The following ZFP64 variants were observed in gnomAD, a reference collection of about 807,000 sequenced individuals.
The protein encoded by ZFP64 is ZFP64 zinc finger protein.
In ZFP64, 14 loss-of-function variants were observed where a neutral mutation model predicts 51.6. The observed-to-expected ratio is 0.27, with a 90% CI of 0.18 to 0.42. The LOEUF (loss-of-function observed/expected upper bound fraction) is 0.42. ZFP64 is among the 10% of genes least tolerant of loss of function. The pLI, the probability that ZFP64 is intolerant of heterozygous loss-of-function variation, is 1.00. For missense variants in ZFP64, 754 were observed against 906.8 expected, an observed-to-expected ratio of 0.83 and a Z score of 2.16; for synonymous variants, 375 against 361.4, an observed-to-expected ratio of 1.04 and a Z score of -0.43.
chr20:52,181,973 T>C (rs1416990207), intron 2 of ZFP64, among the ~76,000 whole-genome samples: 1 of 152,080 alleles, frequency 6.6e-6, no homozygotes, highest in Non-Finnish European at 1.5e-5. Context: ...AGCAGCTGAG[T>C]CAGACGGAGA....
At chr20:52,131,286 A>G (rs986703526) in intron 5 of ZFP64, among the ~76,000 whole-genome samples, 18 of 151,914 alleles carry the variant, frequency 1.2e-4, no homozygotes, top group African/African-American at 4.4e-4. Context: ...AAGAAAGAAA[A>G]GAAAGAAAGC....
chr20:52,176,142 C>A (rs1036686102), intron 2 of ZFP64: 4 of 179,532 alleles, frequency 2.2e-5, no homozygotes, highest in Non-Finnish European at 4.3e-5. Context: ...TGGCGGCTGC[C>A]GTTAAAGTCC....
intron 5 of ZFP64, among the ~76,000 whole-genome samples, chr20:52,112,100 A>AAAC (rs1978624667): frequency 1.0e-5 from 1 of 98,542 alleles, no homozygotes; most frequent in African/African-American, 3.2e-5. Context: ...AAAAAAAAAA[A>AAAC]CAAAAAAAAA....
At chr20:52,110,678 G>A in intron 5 of ZFP64, 1 of 1,510,078 alleles carries the variant, frequency 6.6e-7, no homozygotes, top group South Asian at 1.3e-5. Context: ...GGCATAGCTA[G>A]CTAGACCCCT....
downstream of ZFP64, among the ~76,000 whole-genome samples, chr20:52,148,316 A>G (rs116043328): frequency 6.6e-6 from 1 of 152,218 alleles, no homozygotes; most frequent in Non-Finnish European, 1.5e-5. Flanking sequence ...TGTGAACTTT[A>G]TCTACACGAT....
intron 5 of ZFP64, chr20:52,105,452 G>T: frequency 9.8e-7 from 1 of 1,016,586 alleles, no homozygotes; most frequent in Non-Finnish European, 1.3e-6. Flanking sequence ...CCGCTCCCGG[G>T]CAGCCCGCGC....
intron 5 of ZFP64, among the ~76,000 whole-genome samples, chr20:52,117,062 C>T (rs1446417239): frequency 6.7e-6 from 1 of 150,154 alleles, no homozygotes; most frequent in East Asian, 1.9e-4. Flanking sequence ...CAGAGCAAGA[C>T]TCTGTCTCAC....
Position 52,191,576 on chromosome 20 carries a change from C to T in ZFP64, c.46+15G>A. 1 of 1,574,046 alleles carries T rather than the reference C, an allele frequency of 6.4e-7. No homozygotes were observed. The highest frequency in any genetic ancestry group is 8.6e-7 in the Non-Finnish European group (1 of 1,164,244). On this transcript the variant is annotated intron_variant, in intron 1 of 5. Transcript: ENST00000216923. This position sits in a 1 kb window ranked among gnomAD's most constrained non-coding sequence, Gnocchi z 4.3. The stretch of plus-strand genomic sequence containing the variant: ...TGGGCCCCGGAGCGCGCACTGCTCC[C>T]GGAAAAGCACTTACTTTGCACCGAG...
Position 52,151,307 on chromosome 20 carries a change from G to T in ZFP64, c.*839C>A. ...TTTTAATCAGATATCAATTTATTAT[G>T]GAACCATTCATTTTCTGCTCATTAG... On this transcript the variant is annotated 3_prime_UTR_variant, in exon 6 of 6. Coordinates refer to ENST00000216923, the MANE Select transcript of ZFP64 (RefSeq NM_018197.3). 2 of 985,080 alleles carry T rather than the reference G, an allele frequency of 2.0e-6. No homozygotes were observed. Among genetic ancestry groups the T allele is most frequent in the Non-Finnish European group, 2.4e-6 (2 of 829,680 alleles). The allele number at this position is 985,080 out of a possible 1,614,324, so 61.0% of individuals were successfully genotyped here.
intron 5 of ZFP64, among the ~76,000 whole-genome samples, chr20:52,140,245 T>G (rs766496369): frequency 4.6e-5 from 7 of 152,064 alleles, no homozygotes; most frequent in Non-Finnish European, 1.0e-4. Context: ...AGTGTTCAAG[T>G]GAAAGAAAGA....
At chr20:52,102,417 G>A (rs2079062853) in intron 5 of ZFP64, among the ~76,000 whole-genome samples, 1 of 152,090 alleles carries the variant, frequency 6.6e-6, no homozygotes, top group South Asian at 2.1e-4. Flanking sequence ...ATACTTTTGA[G>A]TCTCTTGCTC....
At chr20:52,107,189 G>A (rs1038801679) in intron 5 of ZFP64, among the ~76,000 whole-genome samples, 2 of 152,164 alleles carry the variant, frequency 1.3e-5, no homozygotes, top group Non-Finnish European at 2.9e-5. Flanking sequence ...GTTGAAAGAG[G>A]GGTGCATGGG....
intron 2 of ZFP64, among the ~76,000 whole-genome samples, chr20:52,166,646 G>T (rs982441090): frequency 1.3e-5 from 2 of 151,914 alleles, no homozygotes; most frequent in Non-Finnish European, 2.9e-5. Context: ...GTAAAGACTG[G>T]GGTCTCGCCA....
At chr20:52,118,634 G>A (rs1318460449) in intron 5 of ZFP64, among the ~76,000 whole-genome samples, 7 of 152,208 alleles carry the variant, frequency 4.6e-5, no homozygotes, top group Non-Finnish European at 8.8e-5. Context: ...ACATTAATTG[G>A]GTTGCCACTG....
At chr20:52,105,314 AC>A in intron 5 of ZFP64, 1 of 1,252,242 alleles carries the variant, frequency 8.0e-7, no homozygotes, top group Non-Finnish European at 1.0e-6. Flanking sequence ...TTCGGAAATT[AC>A]CCCCCTTCGG....
chr20:52,088,655 T>G (rs2078889607), intron 7 of ZFP64: 1 of 1,613,164 alleles, frequency 6.2e-7, no homozygotes, highest in African/African-American at 1.3e-5. Context: ...TTCAAACACA[T>G]AAGGAGTCAA....
chr20:52,188,616 C>T (rs975178675), intron 1 of ZFP64, among the ~76,000 whole-genome samples: 12 of 151,526 alleles, frequency 7.9e-5, no homozygotes, highest in Admixed American at 2.0e-4. Flanking sequence ...CGCACCCGGC[C>T]GACATTATTT....
At position 52,109,879 on chromosome 20, in the gene ZFP64, C is replaced by G. The variant is rs529125432; in HGVS notation, c.764-11292G>C. Among the ~76,000 whole-genome samples, 38 of 150,864 alleles carry G rather than the reference C, an allele frequency of 2.5e-4. No individual in the cohort carries two copies. In the South Asian group the frequency reaches 7.9e-3, roughly 31 times the overall value. ...GACAACTTTTCATTGTTTTCAGCAA[C>G]AATATCACATAACAAGGGAATCATG... On this transcript the variant is annotated intron_variant, in intron 5 of 8. Coordinates refer to the ZFP64 transcript ENST00000361387.
At position 52,088,728 on chromosome 20, in the gene ZFP64, T is replaced by C. The variant is rs190237790; in HGVS notation, c.977-85A>G. 6 of 1,572,776 alleles carry C rather than the reference T, an allele frequency of 3.8e-6. No individual in the cohort carries two copies. In the East Asian group the frequency reaches 8.9e-5, roughly 23 times the overall value. ...TGACCAAGATGATAGCCTGGGCATATGGGTGTGCCGCCTCCTCCTGTCCAA... is the reference window on the plus strand; with the variant it reads ...TGACCAAGATGATAGCCTGGGCATACGGGTGTGCCGCCTCCTCCTGTCCAA... On this transcript the variant is annotated intron_variant, in intron 7 of 8. Coordinates refer to the ZFP64 transcript ENST00000361387.
Sources: allele counts gnomAD v4.1 joint callset (sites outside exome capture counted in the v4.1 genomes callset), GRCh38; gene constraint gnomAD v4.1.1; non-coding constraint Gnocchi (gnomAD v3.1); transcripts MANE v1.5; gene names NCBI Gene and HGNC (gene_info 2026-07-23, HGNC 2026-07-21).